The following ELAVL3 variants were observed in gnomAD, a reference collection of about 807,000 sequenced individuals.
ELAVL3 encodes ELAV like RNA binding protein 3.
A neutral mutation model predicts 34.2 loss-of-function variants in ELAVL3; 8 were observed. The observed-to-expected ratio is 0.23, with a 90% CI of 0.14 to 0.42. The LOEUF is 0.42. ELAVL3 is among the 10% of genes least tolerant of loss of function. The pLI is 1.00. For missense variants in ELAVL3, 273 were observed against 518.8 expected (o/e 0.53, Z 4.60); for synonymous variants, 209 against 222.1 (o/e 0.94, Z 0.53).
chr19:11,451,802 G>T lies in ELAVL3; in HGVS notation c.*2724C>A, dbSNP rs934395124. 10 of 120,610 alleles carry T rather than the reference G, an allele frequency of 8.3e-5. No homozygotes were observed. The highest frequency in any genetic ancestry group is 4.3e-4 in the East Asian group (2 of 4,650). The allele number at this position is 120,610 out of a possible 1,614,324, so 7.5% of individuals were successfully genotyped here. ...GGGTGGCAGGGGCCTAGGCCTCGGT[G>T]GGGGGGGGGTGTGTGGGGAGGTGCC... On this transcript the variant is annotated 3_prime_UTR_variant, in exon 7 of 7. Transcript: ENST00000359227.
In ELAVL3 at chr19:11,457,069, G is replaced by C. The variant is rs779800246; in HGVS notation, c.752+41C>G. ...TGGGGAGGGGTGCATCAGGGGCATG[G>C]ATGGTGAGGGGTGGGGACAGTGGGG... On this transcript the variant is annotated intron_variant, in intron 6 of 6. Transcript: ENST00000359227. 2.3e-6 allele frequency: 3 copies of C among 1,288,750 alleles called. No individual in the cohort carries two copies. The African/African-American group carries it at 4.8e-5, about 21-fold the overall frequency. 79.8% of individuals were successfully genotyped at this position (1,288,750 alleles called of 1,614,324 possible). A position where few individuals can be genotyped will look rare whatever the true frequency, so the allele number is the denominator to read the frequency against.
intron 3 of ELAVL3, among the ~76,000 whole-genome samples, chr19:11,464,924 AC>A (rs1970998538): frequency 1.6e-5 from 2 of 128,654 alleles, no homozygotes; most frequent in African/African-American, 6.5e-5. Flanking sequence ...CCACACACAC[AC>A]CACACATATA....
intron 5 of ELAVL3, among the ~76,000 whole-genome samples, chr19:11,457,544 T>C (rs1316911809): frequency 6.6e-6 from 1 of 152,210 alleles, no homozygotes. Flanking sequence ...CACAAGGGGC[T>C]TCCATTGTCT....
chr19:11,476,928 A>T (rs958513140), intron 1 of ELAVL3, among the ~76,000 whole-genome samples: 6 of 151,992 alleles, frequency 3.9e-5, no homozygotes, highest in African/African-American at 1.2e-4. Flanking sequence ...TAAAAAATAA[A>T]AAAAAAAGAA....
chr19:11,465,588 A>ACC (rs555422256), intron 3 of ELAVL3, among the ~76,000 whole-genome samples: 316 of 140,530 alleles, frequency 2.2e-3, no homozygotes, highest in African/African-American at 7.9e-3. Context: ...CAGATGGGCC[A>ACC]CCCCCCCGAC....
rs1024655825 is a variant in ELAVL3 at position 11,454,449 on chromosome 19, T to C, written c.*77A>G. 3.1e-5 allele frequency: 33 copies of C among 1,054,054 alleles called. No individual in the cohort carries two copies. The highest frequency in any genetic ancestry group is 4.9e-5 in the African/African-American group (3 of 60,660). 65.3% of individuals were successfully genotyped at this position (1,054,054 alleles called of 1,614,324 possible). ...GCCTGTGCTGTCTCTCTTGGGCCCC[T>C]TCTCTCTCTCTCTCTCTCTTTCTCT... On this transcript the variant is annotated 3_prime_UTR_variant, in exon 7 of 7. Coordinates refer to ENST00000359227, the MANE Select transcript of ELAVL3 (RefSeq NM_001420.4). The surrounding 1 kb of genome is among the most constrained non-coding windows in gnomAD (Gnocchi z 9.2).
intron 3 of ELAVL3, among the ~76,000 whole-genome samples, chr19:11,465,093 A>G (rs1458601667): frequency 1.4e-5 from 2 of 140,262 alleles, no homozygotes; most frequent in African/African-American, 5.5e-5. Context: ...ACACACACAC[A>G]CCACACACAC....
At chr19:11,457,707 A>G (rs311786) in intron 5 of ELAVL3, among the ~76,000 whole-genome samples, 51,039 of 152,064 alleles carry the variant, frequency 0.34, 12,675 homozygotes, top group African/African-American at 0.7. Flanking sequence ...GGTTGCAGAA[A>G]AATAAGGGTG....
rs1481635842 is a variant in ELAVL3, at chr19:11,480,537, C to T, written c.9+63G>A. ...CCCCCCGCCGCACCCGCCCAATCTC[C>T]GCGGAGCCTGGGCCCAACTCCTCCC... is the stretch of plus-strand genomic sequence containing the variant. On this transcript the variant is annotated intron_variant, in intron 1 of 6. Coordinates refer to ENST00000359227, the MANE Select transcript of ELAVL3 (RefSeq NM_001420.4). The surrounding 1 kb of genome is among the most constrained non-coding windows in gnomAD (Gnocchi z 6.8). 6.7e-7 allele frequency: 1 copy of T among 1,492,700 alleles called. No homozygotes were observed. The highest frequency in any genetic ancestry group is 8.9e-7 in the Non-Finnish European group (1 of 1,121,758). The allele number at this position is 1,492,700 out of a possible 1,614,324, so 92.5% of individuals were successfully genotyped here.
At chr19:11,474,083 G>C (rs1305722464) in intron 1 of ELAVL3, among the ~76,000 whole-genome samples, 2 of 151,980 alleles carry the variant, frequency 1.3e-5, no homozygotes, top group Non-Finnish European at 2.9e-5. Flanking sequence ...CCCAGACTGG[G>C]GTGCAGTGGT....
chr19:11,468,851 G>C (rs774961268), intron 1 of ELAVL3, among the ~76,000 whole-genome samples: 4 of 151,910 alleles, frequency 2.6e-5, no homozygotes, highest in Non-Finnish European at 5.9e-5. Flanking sequence ...TAGATCCTAA[G>C]ACTTTTTTAA....
chr19:11,465,137 CAT>C, intron 3 of ELAVL3, among the ~76,000 whole-genome samples: 2 of 144,474 alleles, frequency 1.4e-5, no homozygotes, highest in Admixed American at 7.0e-5. Flanking sequence ...ACACCACACA[CAT>C]ACACATACAC....
intron 1 of ELAVL3, among the ~76,000 whole-genome samples, chr19:11,468,095 A>G (rs1233098769): frequency 6.6e-6 from 1 of 152,030 alleles, no homozygotes; most frequent in Non-Finnish European, 1.5e-5. Context: ...TGGCCCTTTT[A>G]GTAGCTTTGA....
intron 5 of ELAVL3, among the ~76,000 whole-genome samples, chr19:11,457,810 G>A (rs1970801653): frequency 6.6e-6 from 1 of 152,250 alleles, no homozygotes; most frequent in Non-Finnish European, 1.5e-5. Context: ...AAAAGAGAAA[G>A]GGGCCACCAG....
intron 1 of ELAVL3, among the ~76,000 whole-genome samples, chr19:11,477,463 A>G (rs1224018424): frequency 6.6e-6 from 1 of 151,936 alleles, no homozygotes. Context: ...TTCTGTAGAG[A>G]TGAGGTTTTG....
Position 11,454,539 on chromosome 19 carries a change from T to C in ELAVL3, c.1091A>G (p.Gln364Arg), listed in dbSNP as rs1970726245. ...GGCGGGGTGGGCTCACGCCTTGTGC[T>C]GTTTGCTGGTCTTGAAGGAGACCTG... is the stretch of plus-strand genomic sequence containing the variant. ...VLQVSFKTSK[Q>R]HKA Residue 364 changes from glutamine (Q) to arginine (R), a missense_variant, in exon 7 of 7, where the codon CAG (glutamine) becomes CGG (arginine). Coordinates refer to ENST00000359227, the MANE Select transcript of ELAVL3 (RefSeq NM_001420.4). This position sits in a 1 kb window ranked among gnomAD's most constrained non-coding sequence, Gnocchi z 9.2. 6.2e-7 allele frequency: 1 copy of C among 1,608,792 alleles called. No homozygotes were observed. Among genetic ancestry groups the C allele is most frequent in the African/African-American group, 1.3e-5 (1 of 74,864 alleles).
chr19:11,460,778 T>TA lies in ELAVL3; in HGVS notation c.334-2168dup, dbSNP rs536446648. Among the ~76,000 whole-genome samples, 1,195 of 152,188 alleles carry TA rather than the reference T, an allele frequency of 7.9e-3. 13 individuals carry two copies. The highest frequency in any genetic ancestry group is 0.012 in the Non-Finnish European group (814 of 68,010). ...CAAAGCACTTCTCCTAACTAGGAAT[T>TA]AGACACATTTTAGCACTGTTATCTG... On this transcript the variant is annotated intron_variant, in intron 3 of 6. Coordinates refer to ENST00000359227, the MANE Select transcript of ELAVL3 (RefSeq NM_001420.4).
chr19:11,458,231 C>T lies in ELAVL3; in HGVS notation c.543G>A (p.Glu181=). ...TCTGCCCATTCAGTCCTTTGATAGCCTCTTCGGCCTCAATCCTCTTGTCAA... is the reference window on the plus strand; with the variant it reads ...TCTGCCCATTCAGTCCTTTGATAGCTTCTTCGGCCTCAATCCTCTTGTCAA... The part of the protein sequence containing the change: ...IRFDKRIEAE[E]AIKGLNGQKP... The change falls in exon 5 of 7, where the codon GAG becomes GAA. Residue 181 remains glutamate, a synonymous_variant. Coordinates refer to ENST00000359227, the MANE Select transcript of ELAVL3 (RefSeq NM_001420.4). The surrounding 1 kb of genome is among the most constrained non-coding windows in gnomAD (Gnocchi z 7.3). 6.2e-7 allele frequency: 1 copy of T among 1,614,126 alleles called. No individual in the cohort carries two copies.
In ELAVL3 at chr19:11,466,512, C is replaced by G. The variant is rs1568383696; in HGVS notation, c.229+96G>C. The stretch of plus-strand genomic sequence containing the variant: ...TAGACCACCTCCTGCCTCGATTACC[C>G]CCGAGACACCTCAGCAAGGGTCCCA... On this transcript the variant is annotated intron_variant, in intron 2 of 6. Transcript: ENST00000359227. The surrounding 1 kb of genome is among the most constrained non-coding windows in gnomAD (Gnocchi z 5.0). 1.4e-4 allele frequency: 202 copies of G among 1,399,220 alleles called. 1 individual carries two copies. The South Asian group carries it at 2.4e-3, about 17-fold the overall frequency. The allele number at this position is 1,399,220 out of a possible 1,614,324, so 86.7% of individuals were successfully genotyped here.
Sources: allele counts gnomAD v4.1 joint callset (sites outside exome capture counted in the v4.1 genomes callset), GRCh38; gene constraint gnomAD v4.1.1; non-coding constraint Gnocchi (gnomAD v3.1); transcripts MANE v1.5; gene names NCBI Gene and HGNC (gene_info 2026-07-23, HGNC 2026-07-21).